Variants in CSMD2 observed in about 807,000 individuals in gnomAD.
CSMD2 encodes CUB and sushi domain-containing protein 2.
A neutral mutation model predicts 398.5 loss-of-function variants in CSMD2; 130 were observed. The ratio of observed to expected loss-of-function variants is 0.33; its 90% CI spans 0.28 to 0.38. The LOEUF is 0.38. Ranked by LOEUF, CSMD2 falls within the 10% of genes least tolerant of loss-of-function variation. The pLI is 1.00. For missense variants in CSMD2, 3,829 were observed against 4,764.9 expected (o/e 0.80, Z 5.78); for synonymous variants, 1,828 against 1,908.5 (o/e 0.96, Z 1.10).
At chr1:33,832,401 CTGGGTACATAACGAA>C (rs1659693056) in intron 6 of CSMD2, among the ~76,000 whole-genome samples, 9 of 137,738 alleles carry the variant, frequency 6.5e-5, no homozygotes, top group Admixed American at 2.3e-4. Flanking sequence ...ACAACCTGCA[CTGGGTACATAACGAA>C]CTGAAGGCAG....
rs140518503 is a variant in CSMD2, at chr1:34,133,984, G to A, written c.187+30927C>T. Among the ~76,000 whole-genome samples the A allele has an allele frequency of 7.3e-3, 1,047 of 143,508 alleles. 12 individuals are homozygous for A. The highest frequency in any genetic ancestry group is 0.016 in the Middle Eastern group (4 of 254). 94.1% of individuals were successfully genotyped at this position (143,508 alleles called of 152,430 possible). A position where few individuals can be genotyped will look rare whatever the true frequency, so the allele number is the denominator to read the frequency against. On this transcript the variant is annotated intron_variant, in intron 1 of 70. Coordinates refer to ENST00000373381, the MANE Select transcript of CSMD2 (RefSeq NM_001281956.2). ...CTCAGGAGGCTGAGGCAGGAGAATC[G>A]CTTGAACCGGGGAGGCAGAGATTGC... is the stretch of plus-strand genomic sequence containing the variant.
At chr1:33,925,289 C>T (rs1031574641) in intron 4 of CSMD2, among the ~76,000 whole-genome samples, 2 of 152,154 alleles carry the variant, frequency 1.3e-5, no homozygotes, top group African/African-American at 4.8e-5. Context: ...TTTCCCAGCA[C>T]TATTGAAGCA....
intron 5 of CSMD2, among the ~76,000 whole-genome samples, chr1:33,900,431 A>G (rs975025522): frequency 6.6e-6 from 1 of 152,196 alleles, no homozygotes; most frequent in African/African-American, 2.4e-5. Context: ...GACACTTACT[A>G]GCTATATTAC....
At chr1:34,153,714 C>A (rs1469609237) in intron 1 of CSMD2, among the ~76,000 whole-genome samples, 1 of 152,170 alleles carries the variant, frequency 6.6e-6, no homozygotes, top group Non-Finnish European at 1.5e-5. Flanking sequence ...AGCCAGAAAC[C>A]TCCTGTAGGA....
rs1259522355 is a variant in CSMD2 at position 34,085,016 on chromosome 1, G to A, written c.404+3961C>T. ...CAATGATAGACTGGATTAAGAAAAT[G>A]TGGCACAAATACACCATGGAATACT... On this transcript the variant is annotated intron_variant, in intron 2 of 70. Coordinates refer to ENST00000373381, the MANE Select transcript of CSMD2 (RefSeq NM_001281956.2). 2.6e-5 allele frequency among the ~76,000 whole-genome samples: 4 copies of A among 152,158 alleles called. No homozygotes were observed. The East Asian group carries it at 7.7e-4, about 29-fold the overall frequency.
rs577103958 is a variant in CSMD2 at position 34,110,513 on chromosome 1, T to TA, written c.188-21321dup. Among the ~76,000 whole-genome samples the TA allele has an allele frequency of 9.5e-3, 1,407 of 147,718 alleles. 33 individuals are homozygous for TA. Among genetic ancestry groups the TA allele is most frequent in the East Asian group, 0.07 (353 of 5,060 alleles). ...TACACCATGGAATGCTATCCAGCCA[T>TA]AAAAAAAAAACCAAGATCATGTCTC... On this transcript the variant is annotated intron_variant, in intron 1 of 70. Coordinates refer to ENST00000373381, the MANE Select transcript of CSMD2 (RefSeq NM_001281956.2).
intron 12 of CSMD2, among the ~76,000 whole-genome samples, chr1:33,777,724 A>C (rs1381582759): frequency 2.0e-5 from 3 of 152,172 alleles, no homozygotes; most frequent in African/African-American, 7.2e-5. Flanking sequence ...GATTGCTTCT[A>C]AGATGCCTCA....
At chr1:33,683,865 T>C (rs910634365) in intron 25 of CSMD2, among the ~76,000 whole-genome samples, 2 of 152,222 alleles carry the variant, frequency 1.3e-5, no homozygotes, top group African/African-American at 4.8e-5. Context: ...GTTCAGTTCC[T>C]TTAGGAGATC....
At chr1:34,150,418 G>T (rs1640198027) in intron 1 of CSMD2, among the ~76,000 whole-genome samples, 1 of 152,156 alleles carries the variant, frequency 6.6e-6, no homozygotes, top group Admixed American at 6.5e-5. Flanking sequence ...AACCTGTACA[G>T]TGGTTAAGCC....
intron 5 of CSMD2, among the ~76,000 whole-genome samples, chr1:33,902,514 G>A (rs776089489): frequency 6.6e-6 from 1 of 152,138 alleles, no homozygotes; most frequent in Non-Finnish European, 1.5e-5. Context: ...CCCTCCCTGG[G>A]CATGCTGACT....
At chr1:33,897,249 G>A (rs1255425412) in intron 5 of CSMD2, among the ~76,000 whole-genome samples, 1 of 152,094 alleles carries the variant, frequency 6.6e-6, no homozygotes, top group African/African-American at 2.4e-5. Flanking sequence ...CCTCTCATGT[G>A]AAGTCTACAA....
chr1:34,057,309 G>T (rs937215255), intron 2 of CSMD2, among the ~76,000 whole-genome samples: 2 of 152,184 alleles, frequency 1.3e-5, no homozygotes, highest in Non-Finnish European at 2.9e-5. Context: ...TGCCCACCCA[G>T]GATGCCACGC....
In CSMD2 at chr1:33,787,332, G is replaced by C. The variant is rs536338872; in HGVS notation, c.1663+1268C>G. Among the ~76,000 whole-genome samples the C allele has an allele frequency of 6.2e-4, 95 of 152,318 alleles. 1 individual carries two copies. Among genetic ancestry groups the C allele is most frequent in the African/African-American group, 2.2e-3 (93 of 41,570 alleles). ...TGTACCTGTACCCAGTTTCGAAACA[G>C]AGTACAGGTCCTGGAGCAGGAGGAA... On this transcript the variant is annotated intron_variant, in intron 12 of 70. Transcript: ENST00000373381.
chr1:33,614,513 C>A lies in CSMD2; in HGVS notation c.6124G>T (p.Val2042Leu), dbSNP rs568684319. The A allele has an allele frequency of 2.5e-6, 4 of 1,594,072 alleles. No individual in the cohort carries two copies. The highest frequency in any genetic ancestry group is 2.2e-5 in the East Asian group (1 of 44,758). ...GGCTGCAGAGACTTACCAAAGCCCA[C>A]GGGCAGTGCTATTTTCCAGGAGCAG... Reference protein sequence around the residue: ...MDCSWKIALPVGFGAHIQFLN... With the variant: ...MDCSWKIALPLGFGAHIQFLN... The change falls in exon 40 of 71, where the codon GTG (valine) becomes TTG (leucine). Residue 2042 changes from valine to leucine, a missense_variant. Val to Leu is a conservative substitution (Grantham distance 32). Coordinates refer to ENST00000373381, the MANE Select transcript of CSMD2 (RefSeq NM_001281956.2).
chr1:33,860,264 A>C (rs1291715020), intron 5 of CSMD2, among the ~76,000 whole-genome samples: 1 of 152,146 alleles, frequency 6.6e-6, no homozygotes, highest in Non-Finnish European at 1.5e-5. Flanking sequence ...CTGGTTTTTT[A>C]AAATCTTGAC....
intron 55 of CSMD2, among the ~76,000 whole-genome samples, chr1:33,555,856 C>T (rs1045900859): frequency 6.6e-6 from 1 of 152,158 alleles, no homozygotes; most frequent in African/African-American, 2.4e-5. Flanking sequence ...TGCTTTATTG[C>T]AGTAGTCTGG....
intron 52 of CSMD2, 97 bp from the exon 53 acceptor site, chr1:33,567,938 G>A (rs1659211682): frequency 6.3e-6 from 9 of 1,420,042 alleles, no homozygotes; most frequent in Non-Finnish European, 8.5e-6. Flanking sequence ...GTGACTTCAG[G>A]AACCCTCAGC....
chr1:34,091,035 A>T (rs1658498705), intron 1 of CSMD2, among the ~76,000 whole-genome samples: 1 of 152,032 alleles, frequency 6.6e-6, no homozygotes, highest in Non-Finnish European at 1.5e-5. Flanking sequence ...CATCTTTCAG[A>T]TCTCAGCCTA....
intron 22 of CSMD2, among the ~76,000 whole-genome samples, chr1:33,705,639 T>G (rs1197550101): frequency 1.3e-5 from 2 of 150,256 alleles, no homozygotes; most frequent in African/African-American, 2.4e-5. Context: ...ATGGTCATTG[T>G]TTTTTTTTCA....
Sources: allele counts gnomAD v4.1 joint callset (sites outside exome capture counted in the v4.1 genomes callset), GRCh38; gene constraint gnomAD v4.1.1; transcripts MANE v1.5; gene names NCBI Gene and HGNC (gene_info 2026-07-23, HGNC 2026-07-21).